The following CERT1 variants were observed in gnomAD, a reference collection of about 807,000 sequenced individuals.
The protein encoded by CERT1 is ceramide transporter 1.
Under a neutral mutation model 87.9 loss-of-function variants are expected in CERT1, and 31 were observed. The ratio of observed to expected loss-of-function variants is 0.35; its 90% CI spans 0.27 to 0.48. The LOEUF (loss-of-function observed/expected upper bound fraction) is 0.48, where lower values mean the gene tolerates loss of function less well. CERT1 is among the 20% of genes least tolerant of loss of function. CERT1 has a pLI of 0.99. For synonymous variants in CERT1, 289 were observed against 250.9 expected (o/e 1.15, Z -1.44); for missense variants, 487 against 758.0 (o/e 0.64, Z 4.20).
At chr5:75,453,406 T>C (rs1020417502) in intron 3 of CERT1, among the ~76,000 whole-genome samples, 1 of 152,126 alleles carries the variant, frequency 6.6e-6, no homozygotes, top group South Asian at 2.1e-4. Flanking sequence ...AATATAGATA[T>C]GAGGAACAAA....
chr5:75,423,380 AG>A (rs909632797), intron 5 of CERT1, among the ~76,000 whole-genome samples: 1 of 123,032 alleles, frequency 8.1e-6, no homozygotes, highest in Admixed American at 7.2e-5. Context: ...CTATTTTTAG[AG>A]GGGAAAAAAA....
At chr5:75,434,714 G>C (rs113740685) in intron 3 of CERT1, among the ~76,000 whole-genome samples, 1 of 151,374 alleles carries the variant, frequency 6.6e-6, no homozygotes, top group African/African-American at 2.4e-5. Context: ...TTACTTCCTG[G>C]TCAAACCTTG....
At position 75,378,347 on chromosome 5, in the gene CERT1, G is replaced by A. The variant is rs1484056056; in HGVS notation, c.*999C>T. The A allele has an allele frequency of 1.3e-5, 2 of 152,252 alleles. No homozygotes were observed. The highest frequency in any genetic ancestry group is 4.8e-5 in the African/African-American group (2 of 41,434). 9.4% of individuals were successfully genotyped at this position (152,252 alleles called of 1,614,324 possible). A position where few individuals can be genotyped will look rare whatever the true frequency, so the allele number is the denominator to read the frequency against. Reference sequence around the variant, plus strand: ...AGGCAGGAGAATCGCTTGAACCTGGGAGGCAGAGGTTGCAGTGAGCCAAGA... The same window carrying A: ...AGGCAGGAGAATCGCTTGAACCTGGAAGGCAGAGGTTGCAGTGAGCCAAGA... On this transcript the variant is annotated 3_prime_UTR_variant, in exon 17 of 17. Transcript: ENST00000643780.
At position 75,378,240 on chromosome 5, in the gene CERT1, T is replaced by G. The variant is rs1246083552; in HGVS notation, c.*1106A>C. 1 of 152,218 alleles carries G rather than the reference T, an allele frequency of 6.6e-6. No individual in the cohort carries two copies. The highest frequency in any genetic ancestry group is 2.4e-5 in the African/African-American group (1 of 41,406). The allele number at this position is 152,218 out of a possible 1,614,324, so 9.4% of individuals were successfully genotyped here. A position where few individuals can be genotyped will look rare whatever the true frequency, so the allele number is the denominator to read the frequency against. On this transcript the variant is annotated 3_prime_UTR_variant, in exon 17 of 17. Transcript: ENST00000643780. ...TTCGAGACCAGCCTGGCCAACATGG[T>G]GAAACCCTGCCTCTACTAAAAATAC... is the stretch of plus-strand genomic sequence containing the variant.
chr5:75,425,286 C>T, intron 5 of CERT1, 75 bp downstream of exon 5: 1 of 1,418,974 alleles, frequency 7.0e-7, no homozygotes, highest in Non-Finnish European at 9.7e-7. Context: ...CACTTAAAGA[C>T]ATTACCCTTT....
At chr5:75,494,569 T>G (rs886213233) in intron 2 of CERT1, among the ~76,000 whole-genome samples, 1 of 152,210 alleles carries the variant, frequency 6.6e-6, no homozygotes, top group East Asian at 1.9e-4. Flanking sequence ...ATAGAGAGAT[T>G]TGATTGTTTC....
rs778543751 is a variant in CERT1 at position 75,511,353 on chromosome 5, G to A, written c.-146C>T. 1.3e-6 allele frequency: 2 copies of A among 1,541,914 alleles called. No individual in the cohort carries two copies. The highest frequency in any genetic ancestry group is 1.2e-5 in the South Asian group (1 of 83,730). The stretch of plus-strand genomic sequence containing the variant: ...GGGGGGGAGCAGGAGGAGGGACGAA[G>A]TCCGCCCGCCGCGCCGCCGCCGCGC... On this transcript the variant is annotated 5_prime_UTR_variant, in exon 1 of 17. Transcript: ENST00000643780.
At chr5:75,420,942 T>C (rs542194784) in intron 5 of CERT1, among the ~76,000 whole-genome samples, 7 of 152,094 alleles carry the variant, frequency 4.6e-5, no homozygotes, top group African/African-American at 9.7e-5. Flanking sequence ...ACTCAGCCCC[T>C]TGAGCAGCTG....
At chr5:75,383,992 T>A (rs1011272265) in intron 14 of CERT1, among the ~76,000 whole-genome samples, 5 of 152,176 alleles carry the variant, frequency 3.3e-5, no homozygotes, top group Non-Finnish European at 7.4e-5. Flanking sequence ...TGCTCTGGTG[T>A]ATGACTAACC....
At position 75,386,018 on chromosome 5, in the gene CERT1, A is replaced by G. The variant is rs375406284; in HGVS notation, c.1301T>C (p.Val434Ala). The change falls in exon 13 of 17, where the codon GTA (valine) becomes GCA (alanine). Residue 434 changes from valine to alanine, a missense_variant. Val to Ala is a moderately conservative substitution (Grantham distance 64). This residue lies in a region of CERT1 where 147 missense variants were observed against 200.8 expected (regional missense o/e 0.73). Transcript: ENST00000643780. ...ATCCAGAACAATCCCATTTTCTTCTACTTCTCTTCTGTATACCTAAAGAGA... is the reference window on the plus strand; with the variant it reads ...ATCCAGAACAATCCCATTTTCTTCTGCTTCTCTTCTGTATACCTAAAGAGA... ...EGEMKVYRRE[V>A]EENGIVLDPL... The G allele has an allele frequency of 6.4e-7, 1 of 1,572,188 alleles. No homozygotes were observed. Among genetic ancestry groups the G allele is most frequent in the Non-Finnish European group, 8.6e-7 (1 of 1,160,522 alleles).
chr5:75,491,181 G>A (rs772192534), intron 2 of CERT1, among the ~76,000 whole-genome samples: 13 of 151,948 alleles, frequency 8.6e-5, no homozygotes, highest in South Asian at 4.1e-4. Context: ...AATATCCTTC[G>A]TTTAATGGCA....
intron 8 of CERT1, 65 bp downstream of exon 8, chr5:75,410,945 TA>T: frequency 2.4e-6 from 2 of 846,904 alleles, no homozygotes; most frequent in Non-Finnish European, 3.7e-6. Flanking sequence ...AGAGTATTAT[TA>T]AAAAATCACT....
chr5:75,479,833 T>G (rs944806806), intron 2 of CERT1, among the ~76,000 whole-genome samples: 6 of 152,204 alleles, frequency 3.9e-5, no homozygotes, highest in African/African-American at 1.4e-4. Flanking sequence ...GGTTGAATGG[T>G]AGTTTTGCTT....
rs138195670 is a variant in CERT1 at position 75,485,678 on chromosome 5, A to T, written c.231+20304T>A. Among the ~76,000 whole-genome samples the T allele has an allele frequency of 1.4e-3, 214 of 152,242 alleles. 1 individual carries two copies. Among genetic ancestry groups the T allele is most frequent in the African/African-American group, 4.3e-3 (178 of 41,584 alleles). The stretch of plus-strand genomic sequence containing the variant: ...TAAAATCAGAGATGAAAAGGGAGAC[A>T]TTATAACTGATACTGCAGAAATTCA... On this transcript the variant is annotated intron_variant, in intron 2 of 16. Transcript: ENST00000643780.
chr5:75,471,760 A>C (rs962342027), intron 2 of CERT1, among the ~76,000 whole-genome samples: 16 of 151,322 alleles, frequency 1.1e-4, no homozygotes, highest in Middle Eastern at 3.4e-3. Context: ...ATCTCAAAAA[A>C]AAAAAAAAAA....
At chr5:75,496,532 C>A (rs1346467873) in intron 2 of CERT1, among the ~76,000 whole-genome samples, 1 of 152,162 alleles carries the variant, frequency 6.6e-6, no homozygotes, top group Non-Finnish European at 1.5e-5. Context: ...ATGTTTAGAG[C>A]AGCCTTATTT....
At chr5:75,374,556 A>C, downstream of CERT1, 1 of 714,326 alleles carries the variant, frequency 1.4e-6, no homozygotes, top group South Asian at 1.3e-5. Flanking sequence ...ATGCGTGCCC[A>C]AGGACAAGGC....
intron 2 of CERT1, among the ~76,000 whole-genome samples, chr5:75,477,526 A>G (rs1766009909): frequency 6.6e-6 from 1 of 151,992 alleles, no homozygotes; most frequent in African/African-American, 2.4e-5. Flanking sequence ...TGTGATTTCT[A>G]AAAATTTCTG....
At chr5:75,390,252 C>T (rs190455266) in intron 11 of CERT1, among the ~76,000 whole-genome samples, 1 of 152,108 alleles carries the variant, frequency 6.6e-6, no homozygotes, top group Non-Finnish European at 1.5e-5. Context: ...AGGTGAAAAA[C>T]CTTTCTTATG....
Sources: allele counts gnomAD v4.1 joint callset (sites outside exome capture counted in the v4.1 genomes callset), GRCh38; gene constraint gnomAD v4.1.1; regional missense constraint gnomAD v4.1.1; transcripts MANE v1.5; gene names NCBI Gene and HGNC (gene_info 2026-07-23, HGNC 2026-07-21).